PDE4DIP: variants seen among roughly 807,000 people sequenced by gnomAD.
PDE4DIP encodes myomegalin.
In PDE4DIP, 59 loss-of-function variants were observed where a neutral mutation model predicts 221.4. That is an observed-to-expected ratio of 0.27 (90% CI 0.22 to 0.33). The LOEUF is 0.33. PDE4DIP is among the 10% of genes least tolerant of loss of function. PDE4DIP has a pLI of 1.00. For synonymous variants in PDE4DIP, 404 were observed against 815.9 expected (o/e 0.50, Z 8.60); for missense variants, 1,036 against 2,154.2 (o/e 0.48, Z 10.28).
chr1:148,998,278 C>T (rs782172191), exon 23 of PDE4DIP: 1 of 1,613,126 alleles, frequency 6.2e-7, no homozygotes, highest in African/African-American at 1.3e-5. Context: ...GGCTGAGTTC[C>T]ACCAGCACTT....
intron 32 of PDE4DIP, among the ~76,000 whole-genome samples, chr1:149,015,374 G>A (rs1187363849): frequency 1.3e-5 from 2 of 152,048 alleles, no homozygotes; most frequent in Non-Finnish European, 2.9e-5. Flanking sequence ...GTTTGGCTTG[G>A]ATGGAAGAAA....
intron 5 of PDE4DIP, chr1:148,939,731 T>G (rs1217773609): frequency 2.6e-5 from 4 of 152,180 alleles, no homozygotes; most frequent in Non-Finnish European, 5.9e-5. Context: ...CAACTGAGAA[T>G]AAGAAGAATT....
intron 5 of PDE4DIP, among the ~76,000 whole-genome samples, chr1:148,956,011 A>G (rs1553501951): frequency 6.6e-6 from 1 of 152,156 alleles, no homozygotes; most frequent in Non-Finnish European, 1.5e-5. Context: ...TGGGCGGTGT[A>G]TCTATTGTTT....
chr1:148,882,088 G>A (rs587684347), intron 3 of PDE4DIP, among the ~76,000 whole-genome samples: 132 of 122,724 alleles, frequency 1.1e-3, no homozygotes, highest in African/African-American at 4.4e-3. Flanking sequence ...TATGAGAACA[G>A]CATAGAGACG....
chr1:148,929,213 T>C, exon 2 of PDE4DIP: 1 of 1,613,686 alleles, frequency 6.2e-7, no homozygotes, highest in Non-Finnish European at 8.5e-7. Flanking sequence ...GAGCTGAAGG[T>C]TGAAGTGGAG....
Position 148,953,867 on chromosome 1 carries a change from G to A in PDE4DIP, c.637-6787G>A, listed in dbSNP as rs782034077. On this transcript the variant is annotated intron_variant, in intron 5 of 43. Transcript: ENST00000369354. ...GCTTTCAGACCTGCAGGAGCTGTGG[G>A]ATGATCTCTGTGAAGATTATTTGCC... The A allele has an allele frequency of 5.6e-6, 9 of 1,610,770 alleles. No homozygotes were observed. In the South Asian group the frequency reaches 6.6e-5, roughly 12 times the overall value.
At chr1:148,907,270 C>T (rs113073252) in intron 1 of PDE4DIP, among the ~76,000 whole-genome samples, 30 of 134,868 alleles carry the variant, frequency 2.2e-4, no homozygotes, top group South Asian at 1.0e-3. Context: ...TTTTAAGTGG[C>T]GCATTTCGGC....
At chr1:148,952,373 T>A (rs2151293676) in intron 5 of PDE4DIP, 1 of 1,069,042 alleles carries the variant, frequency 9.4e-7, no homozygotes, top group East Asian at 5.2e-5. Context: ...TCTTGAAATC[T>A]GATCCTCCAT....
In PDE4DIP at chr1:148,923,664, G is replaced by C. The variant is rs1404663267; in HGVS notation, c.142-5533G>C. ...AATTTTTTGTATTTTTAGTAGAGACGGGGTTTCACCGTGTTAGGCAGGATG... is the reference window on the plus strand; with the variant it reads ...AATTTTTTGTATTTTTAGTAGAGACCGGGTTTCACCGTGTTAGGCAGGATG... On this transcript the variant is annotated intron_variant, in intron 1 of 43. Transcript: ENST00000369354. Among the ~76,000 whole-genome samples, 3 of 144,812 alleles carry C rather than the reference G, an allele frequency of 2.1e-5. No individual in the cohort carries two copies. The East Asian group carries it at 5.9e-4, about 28-fold the overall frequency.
chr1:148,824,444 AT>A (rs1186330043), intron 1 of PDE4DIP, among the ~76,000 whole-genome samples: 2 of 134,596 alleles, frequency 1.5e-5, no homozygotes, highest in African/African-American at 5.7e-5. Context: ...CGGAAGCAAC[AT>A]TCCATCACTG....
rs1351008390 is a variant in PDE4DIP, at chr1:148,952,039, A to G, written c.637-8615A>G. On this transcript the variant is annotated intron_variant, in intron 5 of 43. Transcript: ENST00000369354. ...GCGCTGCCCCGCTGGCAGCCGGAGG[A>G]CGTGGCACTGTCCGAGAATGCAGGG... 8 of 1,009,312 alleles carry G rather than the reference A, an allele frequency of 7.9e-6. No homozygotes were observed. In the African/African-American group the frequency reaches 1.4e-4, roughly 17 times the overall value. The allele number at this position is 1,009,312 out of a possible 1,614,324, so 62.5% of individuals were successfully genotyped here.
At chr1:148,905,098 G>C (rs1553449099) in intron 1 of PDE4DIP, among the ~76,000 whole-genome samples, 1 of 137,996 alleles carries the variant, frequency 7.2e-6, no homozygotes, top group African/African-American at 2.8e-5. Flanking sequence ...GCTTGTTATT[G>C]GTCTGTTCAG....
At chr1:148,919,808 T>C (rs1174856909) in intron 1 of PDE4DIP, among the ~76,000 whole-genome samples, 2 of 150,420 alleles carry the variant, frequency 1.3e-5, no homozygotes, top group South Asian at 2.1e-4. Flanking sequence ...TTTTTAAAAA[T>C]TCCTTTAGTT....
In PDE4DIP at chr1:149,010,330, G is replaced by A. The variant is rs1327042449; in HGVS notation, c.4928-113G>A. 1.1e-5 allele frequency: 9 copies of A among 787,286 alleles called. No individual in the cohort carries two copies. In the Admixed American group the frequency reaches 1.4e-4, roughly 12 times the overall value. 48.8% of individuals were successfully genotyped at this position (787,286 alleles called of 1,614,324 possible). ...ACACTGCTAACAGTGCTTGTGCTTG[G>A]TTCTTTCCCTGAAAGCAAGACTCTA... On this transcript the variant is annotated intron_variant, in intron 30 of 43. Coordinates refer to ENST00000369354, the Ensembl canonical transcript of PDE4DIP.
At chr1:148,952,090 C>T (rs1389397312) in intron 5 of PDE4DIP, 2 of 1,017,576 alleles carry the variant, frequency 2.0e-6, no homozygotes, top group Non-Finnish European at 2.4e-6. Context: ...CTCCTCCCCG[C>T]GAGGAGGAGC....
intron 37 of PDE4DIP, among the ~76,000 whole-genome samples, chr1:149,023,639 C>T (rs113150385): frequency 1.5e-5 from 2 of 132,340 alleles, no homozygotes; most frequent in Non-Finnish European, 3.2e-5. Flanking sequence ...TATATGTGTG[C>T]ACATATATAT....
At chr1:149,023,469 T>C (rs2073780548) in intron 37 of PDE4DIP, among the ~76,000 whole-genome samples, 1 of 147,662 alleles carries the variant, frequency 6.8e-6, no homozygotes, top group African/African-American at 2.5e-5. Flanking sequence ...CCTCGTAGAA[T>C]ATTTCTTAGA....
chr1:148,955,328 C>G (rs1416757002), intron 5 of PDE4DIP, among the ~76,000 whole-genome samples: 1 of 151,222 alleles, frequency 6.6e-6, no homozygotes, highest in Non-Finnish European at 1.5e-5. Context: ...TAAACTCGTC[C>G]CCCCAGCCCG....
intron 12 of PDE4DIP, among the ~76,000 whole-genome samples, chr1:148,967,355 T>G (rs1430309660): frequency 1.3e-5 from 2 of 151,786 alleles, no homozygotes; most frequent in Non-Finnish European, 2.9e-5. Flanking sequence ...ATTAATATTA[T>G]CTACATGTCC....
Sources: allele counts gnomAD v4.1 joint callset (sites outside exome capture counted in the v4.1 genomes callset), GRCh38; gene constraint gnomAD v4.1.1; transcripts MANE v1.5; gene names NCBI Gene and HGNC (gene_info 2026-07-23, HGNC 2026-07-21).